The following CHIA variants were observed in gnomAD, a reference collection of about 807,000 sequenced individuals.
CHIA encodes acidic mammalian chitinase.
Under a neutral mutation model 53.5 loss-of-function variants are expected in CHIA, and 47 were observed. That is an observed-to-expected ratio of 0.88 (90% CI 0.70 to 1.12). The LOEUF (loss-of-function observed/expected upper bound fraction) is 1.12, where lower values mean the gene tolerates loss of function less well. Ranked by LOEUF, CHIA falls within the 50% of genes most tolerant of loss-of-function variation. The pLI, the probability that CHIA is intolerant of heterozygous loss-of-function variation, is 0.00. For synonymous variants in CHIA, 268 were observed against 222.2 expected (o/e 1.21, Z -1.83); for missense variants, 652 against 592.2 (o/e 1.10, Z -1.05).
Position 111,296,790 on chromosome 1 carries a change from A to C in CHIA, c.-69+5840A>C, listed in dbSNP as rs376318320. Among the ~76,000 whole-genome samples, 8 of 152,356 alleles carry C rather than the reference A, an allele frequency of 5.3e-5. No homozygotes were observed. In the East Asian group the frequency reaches 1.5e-3, roughly 29 times the overall value. ...ACAAACTTATCCAAGCTAAATGAGC[A>C]TGTTTGAACCCATCACAAGGAAGCT... On this transcript the variant is annotated intron_variant, in intron 1 of 11. Coordinates refer to ENST00000369740, the MANE Select transcript of CHIA (RefSeq NM_201653.4).
intron 3 of CHIA, 58 bp from the exon 4 acceptor site, chr1:111,312,132 C>A: frequency 7.0e-7 from 1 of 1,423,672 alleles, no homozygotes; most frequent in Non-Finnish European, 9.9e-7. Flanking sequence ...CCAAAACTCA[C>A]AGCACACTTC....
Position 111,318,693 on chromosome 1 carries a change from C to G in CHIA, c.915+15C>G, listed in dbSNP as rs762786058. ...CTTACTACGAGGTATGTAGATTGGACTGAAAAGTGCTCTGTGAATTCCGTG... is the reference window on the plus strand; with the variant it reads ...CTTACTACGAGGTATGTAGATTGGAGTGAAAAGTGCTCTGTGAATTCCGTG... On this transcript the variant is annotated intron_variant, in intron 9 of 11. Coordinates refer to ENST00000369740, the MANE Select transcript of CHIA (RefSeq NM_201653.4). The G allele has an allele frequency of 5.4e-5, 87 of 1,604,680 alleles. 1 individual carries two copies. In the South Asian group the frequency reaches 8.9e-4, roughly 16 times the overall value.
intron 9 of CHIA, 62 bp downstream of exon 9, chr1:111,318,740 T>C: frequency 6.6e-7 from 1 of 1,511,458 alleles, no homozygotes; most frequent in Non-Finnish European, 9.0e-7. Flanking sequence ...AGGGCTAGAA[T>C]CTGCTGAAAT....
chr1:111,293,182 C>A (rs940144955), intron 1 of CHIA, among the ~76,000 whole-genome samples: 21 of 152,052 alleles, frequency 1.4e-4, no homozygotes, highest in African/African-American at 4.8e-5. Flanking sequence ...GCAGCTGTAC[C>A]GTTTTACATT....
intron 2 of CHIA, among the ~76,000 whole-genome samples, chr1:111,310,925 T>C (rs1265822300): frequency 6.6e-6 from 1 of 152,254 alleles, no homozygotes; most frequent in African/African-American, 2.4e-5. Flanking sequence ...AAGTTGTCTT[T>C]GTTCTGCTGT....
chr1:111,290,908 A>C lies in CHIA; in HGVS notation c.-111A>C. The C allele has an allele frequency of 2.1e-6, 1 of 468,940 alleles. No homozygotes were observed. The allele number at this position is 468,940 out of a possible 1,614,324, so 29.0% of individuals were successfully genotyped here. A position where few individuals can be genotyped will look rare whatever the true frequency, so the allele number is the denominator to read the frequency against. On this transcript the variant is annotated 5_prime_UTR_variant, in exon 1 of 12. Transcript: ENST00000369740. Reference sequence around the variant, plus strand: ...GAACAGGTGGCCGACTCTGGAGCCCAGGCTGTTGCTTTCCAGTCTGGTGGT... The same window carrying C: ...GAACAGGTGGCCGACTCTGGAGCCCCGGCTGTTGCTTTCCAGTCTGGTGGT...
intron 2 of CHIA, 33 bp from the exon 3 acceptor site, chr1:111,311,656 G>C (rs762787073): frequency 1.5e-5 from 24 of 1,613,112 alleles, no homozygotes; most frequent in Non-Finnish European, 1.8e-5. Flanking sequence ...ACAGACAATC[G>C]GTTCAAAGTA....
Position 111,315,445 on chromosome 1 carries a change from G to A in CHIA, c.480+10G>A, listed in dbSNP as rs764134119. ...CACTGTCCTGGTGCAGGTGGGGAAGGAAGTCCCAGTCTTTAGCCCAAAAAG... is the reference window on the plus strand; with the variant it reads ...CACTGTCCTGGTGCAGGTGGGGAAGAAAGTCCCAGTCTTTAGCCCAAAAAG... On this transcript the variant is annotated intron_variant, in intron 6 of 11. Transcript: ENST00000369740. The A allele has an allele frequency of 1.1e-5, 17 of 1,610,278 alleles. No homozygotes were observed. The South Asian group carries it at 1.7e-4, about 16-fold the overall frequency.
intron 1 of CHIA, among the ~76,000 whole-genome samples, chr1:111,307,326 G>T (rs1648266843): frequency 6.6e-6 from 1 of 152,172 alleles, no homozygotes; most frequent in Non-Finnish European, 1.5e-5. Context: ...AAACAATGCT[G>T]AGCTAAAAAT....
At chr1:111,303,366 T>C (rs1394627407) in intron 1 of CHIA, among the ~76,000 whole-genome samples, 1 of 152,116 alleles carries the variant, frequency 6.6e-6, no homozygotes, top group Non-Finnish European at 1.5e-5. Flanking sequence ...TTGTGGTTAG[T>C]TGATTGTTCG....
At chr1:111,319,620 T>C (rs1649488691) in intron 11 of CHIA, 152 bp downstream of exon 11, 3 of 740,376 alleles carry the variant, frequency 4.1e-6, no homozygotes, top group Non-Finnish European at 6.6e-6. Flanking sequence ...GGTTTTACCC[T>C]TGAACGGCCA....
chr1:111,308,823 G>C (rs915974658), intron 1 of CHIA, among the ~76,000 whole-genome samples: 5 of 152,086 alleles, frequency 3.3e-5, no homozygotes, highest in Admixed American at 2.0e-4. Flanking sequence ...TATTCTTTTT[G>C]ATTCTGTGAG....
At chr1:111,300,505 G>T (rs558761861) in intron 1 of CHIA, among the ~76,000 whole-genome samples, 192 of 152,296 alleles carry the variant, frequency 1.3e-3, no homozygotes, top group African/African-American at 4.5e-3. Flanking sequence ...TTAAAAAATG[G>T]TGCTGGGATA....
At position 111,319,208 on chromosome 1, in the gene CHIA, G is replaced by A; in HGVS notation, c.1004G>A (p.Gly335Asp). The part of the protein sequence containing the change: ...PYAYQGNVWV[G>D]YDNIKSFDIK... ...GCCTATCAGGGCAATGTGTGGGTTG[G>A]CTATGACAACATCAAGAGCTTCGAT... Residue 335 changes from glycine (G) to aspartate (D), a missense_variant, in exon 10 of 12, where the codon GGC becomes GAC. Coordinates refer to ENST00000369740, the MANE Select transcript of CHIA (RefSeq NM_201653.4). 1 of 1,614,206 alleles carries A rather than the reference G, an allele frequency of 6.2e-7. No individual in the cohort carries two copies. The highest frequency in any genetic ancestry group is 8.5e-7 in the Non-Finnish European group (1 of 1,180,048).
rs1188512345 is a variant in CHIA at position 111,297,901 on chromosome 1, C to CAAAAAAA, written c.-69+6969_-69+6975dup. On this transcript the variant is annotated intron_variant, in intron 1 of 11. Transcript: ENST00000369740. ...GAAGATCTACCAAGCAAATGGAAAG[C>CAAAAAAA]AAAAAAAAAAAAAAAAAAAAAAAAC... Among the ~76,000 whole-genome samples, 205 of 31,844 alleles carry CAAAAAAA rather than the reference C, an allele frequency of 6.4e-3. 5 individuals are homozygous for CAAAAAAA. Among genetic ancestry groups the CAAAAAAA allele is most frequent in the East Asian group, 9.5e-3 (6 of 632 alleles). 20.9% of individuals were successfully genotyped at this position (31,844 alleles called of 152,430 possible). A position where few individuals can be genotyped will look rare whatever the true frequency, so the allele number is the denominator to read the frequency against.
At chr1:111,319,646 G>A (rs889223867) in intron 11 of CHIA, among the ~76,000 whole-genome samples, 178 bp downstream of exon 11, 1 of 152,196 alleles carries the variant, frequency 6.6e-6, no homozygotes, top group Non-Finnish European at 1.5e-5. Context: ...GGAACATTGT[G>A]CACTTATGGG....
At chr1:111,292,390 C>G (rs1459269418) in intron 1 of CHIA, among the ~76,000 whole-genome samples, 2 of 152,162 alleles carry the variant, frequency 1.3e-5, no homozygotes, top group Non-Finnish European at 2.9e-5. Flanking sequence ...TGCTGATATT[C>G]TGTTCTGTCA....
intron 1 of CHIA, among the ~76,000 whole-genome samples, chr1:111,297,920 A>AAAAAAAAAC (rs1647330669): frequency 6.7e-6 from 1 of 149,428 alleles, no homozygotes; most frequent in African/African-American, 2.4e-5. Flanking sequence ...AAAAAAAAAA[A>AAAAAAAAAC]AAAAACAAGC....
At position 111,318,648 on chromosome 1, in the gene CHIA, C is replaced by G; in HGVS notation, c.885C>G (p.Ala295=). ...TSGAGPAGPY[A]KESGIWAYYE... is the part of the protein sequence containing the mutation. Reference sequence around the variant, plus strand: ...GTGCTGGTCCTGCTGGGCCCTATGCCAAGGAGTCTGGGATCTGGGCTTACT... The same window carrying G: ...GTGCTGGTCCTGCTGGGCCCTATGCGAAGGAGTCTGGGATCTGGGCTTACT... The change falls in exon 9 of 12, where the codon GCC becomes GCG. Residue 295 remains alanine (A), a synonymous_variant. Transcript: ENST00000369740. 1 of 1,614,042 alleles carries G rather than the reference C, an allele frequency of 6.2e-7. No individual in the cohort carries two copies.
Sources: gnomAD v4.1 joint callset for allele counts (sites outside exome capture counted in the v4.1 genomes callset) on GRCh38, gnomAD v4.1.1 for gene constraint, MANE v1.5 for transcripts, NCBI Gene and HGNC (gene_info 2026-07-23, HGNC 2026-07-21) for gene names.